The following SRGAP3 variants were observed in gnomAD, a reference collection of about 807,000 sequenced individuals.
SRGAP3 encodes SLIT-ROBO Rho GTPase-activating protein 3.
A neutral mutation model predicts 121.1 loss-of-function variants in SRGAP3; 39 were observed. The observed-to-expected ratio is 0.32, with a 90% CI of 0.25 to 0.42. SRGAP3 has a LOEUF of 0.42. Ranked by LOEUF, SRGAP3 falls within the 10% of genes least tolerant of loss-of-function variation. The pLI is 1.00. For missense variants in SRGAP3, 1,213 were observed against 1,470.6 expected (o/e 0.82, Z 2.86); for synonymous variants, 601 against 570.0 (o/e 1.05, Z -0.77).
intron 1 of SRGAP3, among the ~76,000 whole-genome samples, chr3:9,150,610 AC>A (rs1950180829): frequency 6.6e-6 from 1 of 152,258 alleles, no homozygotes; most frequent in East Asian, 1.9e-4. Flanking sequence ...TCTGCCACCC[AC>A]CTAAAGCTGC....
chr3:9,012,446 A>G (rs1006074271), intron 17 of SRGAP3, among the ~76,000 whole-genome samples: 2 of 152,174 alleles, frequency 1.3e-5, no homozygotes, highest in Non-Finnish European at 2.9e-5. Context: ...TCCTGTCTTC[A>G]CATTTTAAGG....
At chr3:9,002,127 T>C (rs1322883201) in intron 18 of SRGAP3, among the ~76,000 whole-genome samples, 1 of 152,206 alleles carries the variant, frequency 6.6e-6, no homozygotes, top group Non-Finnish European at 1.5e-5. Flanking sequence ...TAACTGCACA[T>C]GGAACGTTCT....
At chr3:9,031,756 G>A (rs1003207502) in intron 12 of SRGAP3, among the ~76,000 whole-genome samples, 1 of 152,206 alleles carries the variant, frequency 6.6e-6, no homozygotes, top group African/African-American at 2.4e-5. Context: ...AAGCCCAGGA[G>A]CCTTTGTTTT....
chr3:9,131,115 C>A (rs1011771335), intron 1 of SRGAP3, among the ~76,000 whole-genome samples: 1 of 152,212 alleles, frequency 6.6e-6, no homozygotes, highest in African/African-American at 2.4e-5. Flanking sequence ...CTGCTAGGAG[C>A]CTACGAGCTG....
chr3:9,048,826 CA>C (rs1427375016), intron 9 of SRGAP3, among the ~76,000 whole-genome samples: 1 of 151,748 alleles, frequency 6.6e-6, no homozygotes, highest in Non-Finnish European at 1.5e-5. Context: ...CCTATCTCCA[CA>C]AAAAAATAAA....
rs1213790547 is a variant in SRGAP3, at chr3:9,013,385, A to G, written c.2070T>C (p.His690=). The G allele has an allele frequency of 6.2e-7, 1 of 1,614,146 alleles. No individual in the cohort carries two copies. The highest frequency in any genetic ancestry group is 8.5e-7 in the Non-Finnish European group (1 of 1,180,034). The change falls in exon 17 of 22, where the codon CAT becomes CAC. Residue 690 remains histidine, a synonymous_variant. Transcript: ENST00000383836. The part of the protein sequence containing the change: ...NEVIKTIIIH[H]EAIFPSPREL... ...CCCGGGGGCTGGGGAAGATGGCTTC[A>G]TGATGGATGATGATGGTTTTGATGA...
intron 3 of SRGAP3, among the ~76,000 whole-genome samples, chr3:9,296,124 G>A (rs547722252): frequency 1.6e-4 from 25 of 152,196 alleles, no homozygotes; most frequent in Non-Finnish European, 3.5e-4. Flanking sequence ...ATTTGTTCAA[G>A]TTCATACTTT....
intron 2 of SRGAP3, among the ~76,000 whole-genome samples, chr3:9,108,355 G>C (rs987619370): frequency 6.6e-6 from 1 of 152,106 alleles, no homozygotes; most frequent in African/African-American, 2.4e-5. Flanking sequence ...GCAGTGGCTC[G>C]TGCCTGAGTC....
At chr3:9,052,901 T>G (rs1945650900) in intron 9 of SRGAP3, 126 bp downstream of exon 9, 1 of 1,138,752 alleles carries the variant, frequency 8.8e-7, no homozygotes, top group South Asian at 1.3e-5. Flanking sequence ...AAAAGCATGG[T>G]GATGGAGTCT....
chr3:9,266,820 T>C (rs1357824173), intron 3 of SRGAP3, among the ~76,000 whole-genome samples: 1 of 152,184 alleles, frequency 6.6e-6, no homozygotes, highest in Non-Finnish European at 1.5e-5. Flanking sequence ...CCCCAATAAA[T>C]ACTGCAGCTG....
chr3:9,230,935 G>A lies in SRGAP3; in HGVS notation c.67+17950C>T, dbSNP rs190089285. Among the ~76,000 whole-genome samples the A allele has an allele frequency of 2.8e-3, 418 of 151,890 alleles. 1 individual carries two copies. Among genetic ancestry groups the A allele is most frequent in the African/African-American group, 9.5e-3 (393 of 41,454 alleles). The stretch of plus-strand genomic sequence containing the variant: ...GGACATGAAAAGGGGCCAAAGCTGA[G>A]ATCGGTCCCCTGTCTTCTAACTGCA... On this transcript the variant is annotated intron_variant, in intron 1 of 21. Coordinates refer to ENST00000383836, the MANE Select transcript of SRGAP3 (RefSeq NM_014850.4).
At position 9,135,556 on chromosome 3, in the gene SRGAP3, T is replaced by C. The variant is rs566301811; in HGVS notation, c.68-10639A>G. Among the ~76,000 whole-genome samples the C allele has an allele frequency of 1.1e-4, 16 of 150,742 alleles. No homozygotes were observed. The East Asian group carries it at 2.7e-3, about 25-fold the overall frequency. On this transcript the variant is annotated intron_variant, in intron 1 of 21. Coordinates refer to ENST00000383836, the MANE Select transcript of SRGAP3 (RefSeq NM_014850.4). ...GGACTCTGGAGCCACTCTCACAGGG[T>C]TGATTATTGTCTCTGCCGGATCTGC... is the stretch of plus-strand genomic sequence containing the variant.
In SRGAP3 at chr3:9,267,381, A is replaced by T. The variant is rs549145269; in HGVS notation, n.442+58629T>A. ...GGTTGAGAGATGAGATCAACTACAAAAGTGGCTCAAGTTAAACTTCCTAGA... is the reference window on the plus strand; with the variant it reads ...GGTTGAGAGATGAGATCAACTACAATAGTGGCTCAAGTTAAACTTCCTAGA... On this transcript the variant is annotated intron_variant and non_coding_transcript_variant, in intron 3 of 3. Transcript: ENST00000490889. 1.4e-4 allele frequency among the ~76,000 whole-genome samples: 22 copies of T among 152,348 alleles called. No homozygotes were observed. In the East Asian group the frequency reaches 3.7e-3, roughly 25 times the overall value.
At position 9,048,522 on chromosome 3, in the gene SRGAP3, G is replaced by A. The variant is rs545489856; in HGVS notation, c.1324-1047C>T. On this transcript the variant is annotated intron_variant, in intron 9 of 21. Transcript: ENST00000383836. ...TCAGTCAGGCGGTGGTGAATGCTAC[G>A]GATAAAAAGAAAGCAGAGCTGAGCA... 3.9e-5 allele frequency among the ~76,000 whole-genome samples: 6 copies of A among 152,126 alleles called. No individual in the cohort carries two copies. The South Asian group carries it at 8.3e-4, about 21-fold the overall frequency.
At chr3:9,257,623 G>A (rs1464392911) in intron 3 of SRGAP3, 2 of 150,450 alleles carry the variant, frequency 1.3e-5, no homozygotes, top group Non-Finnish European at 3.0e-5. Flanking sequence ...CATAGGAAAA[G>A]AGAGTGGTCT....
chr3:9,042,536 C>T (rs1283458866), intron 10 of SRGAP3, among the ~76,000 whole-genome samples: 1 of 151,908 alleles, frequency 6.6e-6, no homozygotes, highest in African/African-American at 2.4e-5. Flanking sequence ...AATCAACAGG[C>T]AACTCCTTAA....
intron 3 of SRGAP3, among the ~76,000 whole-genome samples, chr3:9,311,286 A>G (rs7642027): frequency 0.36 from 55,331 of 152,172 alleles, 12,533 homozygotes; most frequent in African/African-American, 0.65. Context: ...CGAAGAGGCA[A>G]GAATATGCAG....
chr3:9,158,678 T>C (rs1950506416), intron 1 of SRGAP3, among the ~76,000 whole-genome samples: 1 of 152,202 alleles, frequency 6.6e-6, no homozygotes, highest in Non-Finnish European at 1.5e-5. Context: ...CTATTCTCTC[T>C]CTTTGCACAG....
At chr3:9,267,235 A>G (rs978660877) in intron 3 of SRGAP3, among the ~76,000 whole-genome samples, 2 of 152,186 alleles carry the variant, frequency 1.3e-5, no homozygotes, top group African/African-American at 4.8e-5. Context: ...TGACTGAGAA[A>G]GATATAGCTC....
Sources: allele counts gnomAD v4.1 joint callset (sites outside exome capture counted in the v4.1 genomes callset), GRCh38; gene constraint gnomAD v4.1.1; transcripts MANE v1.5; gene names NCBI Gene and HGNC (gene_info 2026-07-23, HGNC 2026-07-21).